The following PDCD11 variants were observed in gnomAD, a reference collection of about 807,000 sequenced individuals.
PDCD11 encodes programmed cell death 11.
Under a neutral mutation model 198.9 loss-of-function variants are expected in PDCD11, and 97 were observed. That is an observed-to-expected ratio of 0.49 (90% CI 0.41 to 0.58). The LOEUF is 0.58. Ranked by LOEUF, PDCD11 falls within the 20% of genes least tolerant of loss-of-function variation. The probability of loss-of-function intolerance (pLI) is 0.00; values close to 1 mark genes in which losing one functional copy is unlikely to be tolerated. For missense variants in PDCD11, 2,102 were observed against 2,312.7 expected (o/e 0.91, Z 1.87); for synonymous variants, 893 against 918.0 (o/e 0.97, Z 0.49).
At chr10:103,443,637 C>G (rs556766997) in intron 33 of PDCD11, among the ~76,000 whole-genome samples, 43 of 152,318 alleles carry the variant, frequency 2.8e-4, no homozygotes, top group African/African-American at 9.9e-4. Flanking sequence ...TCCGCTCTGG[C>G]GTCTCTCCTA....
chr10:103,416,224 G>A (rs531989033), intron 12 of PDCD11, among the ~76,000 whole-genome samples: 1 of 152,316 alleles, frequency 6.6e-6, no homozygotes, highest in African/African-American at 2.4e-5. Flanking sequence ...CTCCATAGAG[G>A]TGATGTAAGA....
At position 103,425,615 on chromosome 10, in the gene PDCD11, A is replaced by G. The variant is rs1324775507; in HGVS notation, c.3305+90A>G. 4 of 1,100,234 alleles carry G rather than the reference A, an allele frequency of 3.6e-6. No homozygotes were observed. In the South Asian group the frequency reaches 4.6e-5, roughly 13 times the overall value. The allele number at this position is 1,100,234 out of a possible 1,614,324, so 68.2% of individuals were successfully genotyped here. On this transcript the variant is annotated intron_variant, in intron 20 of 35. Transcript: ENST00000369797. ...AAGTAGGTGGGCTCCAAAAAGTTGC[A>G]TGTAAGTCAGATTCTCTTTTAGTTA...
chr10:103,434,207 G>A (rs963768365), intron 23 of PDCD11, 41 bp from the exon 24 acceptor site: 1 of 1,381,110 alleles, frequency 7.2e-7, no homozygotes, highest in Admixed American at 1.7e-5. Flanking sequence ...ATAAATGACA[G>A]CCTTTCTTCA....
chr10:103,422,741 T>C (rs1010034843), intron 17 of PDCD11, among the ~76,000 whole-genome samples: 7 of 152,174 alleles, frequency 4.6e-5, no homozygotes, highest in Non-Finnish European at 1.0e-4. Context: ...GGAAAGCCTG[T>C]CTTCCTGGTA....
At position 103,445,492 on chromosome 10, in the gene PDCD11, A is replaced by G; in HGVS notation, c.5559A>G (p.Ala1853=). ...ATGGCACTGAGAAGGATGTGCAGGCAGTCAAGGCCAAGGCCCTGGAGTATG... is the reference window on the plus strand; with the variant it reads ...ATGGCACTGAGAAGGATGTGCAGGCGGTCAAGGCCAAGGCCCTGGAGTATG... ...KQHGTEKDVQ[A]VKAKALEYVE... is the part of the protein sequence containing the mutation. The change falls in exon 36 of 36, where the codon GCA becomes GCG. Residue 1853 remains alanine, a synonymous_variant. Coordinates refer to ENST00000369797, the MANE Select transcript of PDCD11 (RefSeq NM_014976.2). 1 of 1,614,194 alleles carries G rather than the reference A, an allele frequency of 6.2e-7. No homozygotes were observed. The highest frequency in any genetic ancestry group is 8.5e-7 in the Non-Finnish European group (1 of 1,180,036).
At position 103,445,503 on chromosome 10, in the gene PDCD11, A is replaced by G. The variant is rs151054853; in HGVS notation, c.5570A>G (p.Lys1857Arg). The G allele has an allele frequency of 2.8e-3, 4,487 of 1,614,136 alleles. 8 individuals carry two copies. Among genetic ancestry groups the G allele is most frequent in the Non-Finnish European group, 3.5e-3 (4,111 of 1,180,028 alleles). The change falls in exon 36 of 36, where the codon AAG becomes AGG. Residue 1857 changes from lysine (K) to arginine (R), a missense_variant. Transcript: ENST00000369797. ...AAGGATGTGCAGGCAGTCAAGGCCA[A>G]GGCCCTGGAGTATGTGGAGGCCAAG... ...TEKDVQAVKA[K>R]ALEYVEAKSS...
intron 7 of PDCD11, among the ~76,000 whole-genome samples, chr10:103,408,918 T>C (rs777206483): frequency 1.3e-5 from 2 of 152,190 alleles, no homozygotes; most frequent in Non-Finnish European, 1.5e-5. Flanking sequence ...GTGATTGTTA[T>C]AGGTCTTCTC....
In PDCD11 at chr10:103,421,541, G is replaced by T; in HGVS notation, c.2471G>T (p.Gly824Val). 6.4e-7 allele frequency: 1 copy of T among 1,566,996 alleles called. No individual in the cohort carries two copies. Among genetic ancestry groups the T allele is most frequent in the Non-Finnish European group, 8.7e-7 (1 of 1,155,250 alleles). Residue 824 changes from glycine to valine, a missense_variant, in exon 17 of 36, where the codon GGC (glycine) becomes GTC (valine). Physicochemically the swap from Gly to Val is moderately radical, Grantham distance 109 (BLOSUM62 -3). Coordinates refer to ENST00000369797, the MANE Select transcript of PDCD11 (RefSeq NM_014976.2). ...LLNQCLEELQ[G>V]VRSLMSNRDS... is the part of the protein sequence containing the mutation. Reference sequence around the variant, plus strand: ...AATCAGTGCCTGGAGGAGCTGCAGGGCGTGCGCAGCCTTATGAGCAACCGA... The same window carrying T: ...AATCAGTGCCTGGAGGAGCTGCAGGTCGTGCGCAGCCTTATGAGCAACCGA...
chr10:103,439,702 T>C, intron 27 of PDCD11, 44 bp from the exon 28 acceptor site: 1 of 1,613,258 alleles, frequency 6.2e-7, no homozygotes, highest in Non-Finnish European at 8.5e-7. Context: ...TGGAATTCTG[T>C]TGTTGCATTT....
At chr10:103,417,619 T>G (rs903089415) in intron 13 of PDCD11, among the ~76,000 whole-genome samples, 173 bp from the exon 14 acceptor site, 1 of 152,266 alleles carries the variant, frequency 6.6e-6, no homozygotes, top group Admixed American at 6.5e-5. Flanking sequence ...TCCCAAAGGC[T>G]GCCCTGGGGG....
chr10:103,440,339 A>G lies in PDCD11; in HGVS notation c.4198A>G (p.Thr1400Ala). The G allele has an allele frequency of 2.5e-6, 4 of 1,614,194 alleles. No individual in the cohort carries two copies. The highest frequency in any genetic ancestry group is 3.4e-6 in the Non-Finnish European group (4 of 1,180,014). ...LVELSFLPGD[T>A]GKPDVLSASL... ...AGAGCTGTCTTTCCTCCCCGGAGAC[A>G]CTGGGAAGCCAGACGTGCTTTCTGC... is the stretch of plus-strand genomic sequence containing the variant. The change falls in exon 29 of 36, where the codon ACT becomes GCT. Residue 1400 changes from threonine (T) to alanine (A), a missense_variant. Coordinates refer to ENST00000369797, the MANE Select transcript of PDCD11 (RefSeq NM_014976.2).
At chr10:103,440,192 C>G in intron 28 of PDCD11, 98 bp from the exon 29 acceptor site, 1 of 1,512,142 alleles carries the variant, frequency 6.6e-7, no homozygotes. Flanking sequence ...GGGCAGGGCC[C>G]AGAATCGTGG....
rs765544212 is a variant in PDCD11 at position 103,417,840 on chromosome 10, C to A, written c.1819C>A (p.Leu607Ile). The change falls in exon 14 of 36, where the codon CTC (leucine) becomes ATC (isoleucine). Residue 607 changes from leucine to isoleucine, a missense_variant. Transcript: ENST00000369797. The part of the protein sequence containing the change: ...LNCEPSKERM[L>I]LSFKLSSDPE... ...CTGTGAGCCATCCAAAGAGAGGATG[C>A]TCTTATCCTTCAAGCTGTCGAGTGA... 1.2e-5 allele frequency: 19 copies of A among 1,614,056 alleles called. No homozygotes were observed. In the South Asian group the frequency reaches 2.1e-4, roughly 18 times the overall value.
rs367670424 is a variant in PDCD11, at chr10:103,442,206, A to G, written c.4708-7A>G. 2.2e-4 allele frequency: 363 copies of G among 1,613,686 alleles called. No individual in the cohort carries two copies. The highest frequency in any genetic ancestry group is 2.9e-4 in the Non-Finnish European group (337 of 1,179,924). ...ATGACTCACGGTGTTTCTGCTTTCCATAGCAGATAAAGAAAAGCAAGAAAG... is the reference window on the plus strand; with the variant it reads ...ATGACTCACGGTGTTTCTGCTTTCCGTAGCAGATAAAGAAAAGCAAGAAAG... On this transcript the variant is annotated splice_region_variant and splice_polypyrimidine_tract_variant and intron_variant, in intron 31 of 35. Coordinates refer to ENST00000369797, the MANE Select transcript of PDCD11 (RefSeq NM_014976.2).
intron 34 of PDCD11, 147 bp downstream of exon 34, chr10:103,444,215 C>G: frequency 1.4e-6 from 1 of 690,802 alleles, no homozygotes; most frequent in Non-Finnish European, 2.4e-6. Flanking sequence ...CTCAGCATAA[C>G]AGTGCATGTT....
rs373807822 is a variant in PDCD11, at chr10:103,423,664, C to G, written c.2763+6C>G. 3.2e-6 allele frequency: 5 copies of G among 1,569,120 alleles called. No individual in the cohort carries two copies. The highest frequency in any genetic ancestry group is 4.4e-6 in the Non-Finnish European group (5 of 1,139,050). On this transcript the variant is annotated splice_donor_region_variant and intron_variant, in intron 19 of 35. Coordinates refer to ENST00000369797, the MANE Select transcript of PDCD11 (RefSeq NM_014976.2). ...TGAATAGAAAAGCTAGAAAGGTAAG[C>G]TTGCTCCTGACTTCCATTTCCATGG... is the stretch of plus-strand genomic sequence containing the variant.
In PDCD11 at chr10:103,418,500, C is replaced by G. The variant is rs923289430; in HGVS notation, c.1972C>G (p.His658Asp). The stretch of plus-strand genomic sequence containing the variant: ...TGGGCTGGAGGTGGCTGTCCTGCCC[C>G]ACAACATCCGTGCTTTCCTCCCCAC... ...KDGLEVAVLP[H>D]NIRAFLPTSH... The change falls in exon 15 of 36, where the codon CAC becomes GAC. Residue 658 changes from histidine (H) to aspartate (D), a missense_variant. His to Asp is a moderately conservative substitution (Grantham distance 81). Transcript: ENST00000369797. The G allele has an allele frequency of 6.2e-7, 1 of 1,614,142 alleles. No homozygotes were observed. Among genetic ancestry groups the G allele is most frequent in the Non-Finnish European group, 8.5e-7 (1 of 1,180,016 alleles).
chr10:103,406,238 G>C, intron 6 of PDCD11, 130 bp downstream of exon 6: 1 of 1,051,992 alleles, frequency 9.5e-7, no homozygotes, highest in Admixed American at 2.4e-5. Flanking sequence ...GGTAAAACCA[G>C]CACTTAATCC....
At chr10:103,406,496 G>C in intron 6 of PDCD11, 113 bp from the exon 7 acceptor site, 1 of 871,044 alleles carries the variant, frequency 1.1e-6, no homozygotes. Flanking sequence ...GGGAGTAACT[G>C]ATGCTAACTG....
Sources: allele counts gnomAD v4.1 joint callset (sites outside exome capture counted in the v4.1 genomes callset), GRCh38; gene constraint gnomAD v4.1.1; transcripts MANE v1.5; gene names NCBI Gene and HGNC (gene_info 2026-07-23, HGNC 2026-07-21).